Variants in ZAN observed in about 807,000 individuals in gnomAD.
ZAN encodes the protein zonadhesin, also known as zonadhesin (gene/pseudogene).
A neutral mutation model predicts 286.2 loss-of-function variants in ZAN; 260 were observed. The ratio of observed to expected loss-of-function variants is 0.91; its 90% confidence interval spans 0.82 to 1.01. The LOEUF (loss-of-function observed/expected upper bound fraction) is 1.01. Among genes scored for constraint, ZAN ranks in the 50% least tolerant of loss-of-function variants. The pLI is 0.00. For missense variants in ZAN, 3,410 were observed against 3,639.2 expected, an observed-to-expected ratio of 0.94 and a Z score of 1.62; for synonymous variants, 1,368 against 1,417.5, an observed-to-expected ratio of 0.97 and a Z score of 0.79.
intron 44 of ZAN, 90 bp from the exon 45 acceptor site, chr7:100,795,106 C>T (rs1288640175): frequency 2.0e-6 from 3 of 1,470,572 alleles, no homozygotes; most frequent in Non-Finnish European, 2.7e-6. Flanking sequence ...GCTGCTTTCT[C>T]CCCGGGCGTC....
intron 14 of ZAN, among the ~76,000 whole-genome samples, chr7:100,753,827 C>A (rs1251563132): frequency 8.4e-6 from 1 of 118,620 alleles, no homozygotes; most frequent in African/African-American, 3.1e-5. Context: ...AGCAAGACAT[C>A]GTCCTAAAAA....
chr7:100,789,957 T>C (rs1297836528), intron 39 of ZAN, among the ~76,000 whole-genome samples: 2 of 151,006 alleles, frequency 1.3e-5, no homozygotes, highest in Non-Finnish European at 3.0e-5. Flanking sequence ...AAAAAAATTT[T>C]TTTTTTTTAA....
Position 100,790,067 on chromosome 7 carries a change from TG to T in ZAN, c.7357+723del, listed in dbSNP as rs542159846. ...TGAGGCCAGGCATTCGAGACCAGCC[TG>T]GGCAACATAGCAAGATCCCATCTCT... On this transcript the variant is annotated intron_variant, in intron 39 of 47. Transcript: ENST00000613979. Among the ~76,000 whole-genome samples, 20 of 151,936 alleles carry T rather than the reference TG, an allele frequency of 1.3e-4. No homozygotes were observed. The South Asian group carries it at 4.2e-3, about 32-fold the overall frequency.
At chr7:100,772,879 T>G (rs1377315608) in intron 29 of ZAN, among the ~76,000 whole-genome samples, 1 of 149,380 alleles carries the variant, frequency 6.7e-6, no homozygotes, top group Non-Finnish European at 1.5e-5. Flanking sequence ...TGTTTGTTTT[T>G]TTTTTTTTTT....
At chr7:100,772,752 T>A (rs969806578) in intron 29 of ZAN, among the ~76,000 whole-genome samples, 9 of 148,736 alleles carry the variant, frequency 6.1e-5, no homozygotes, top group African/African-American at 2.2e-4. Flanking sequence ...ATCTGGGAGG[T>A]GGAGCTTGCA....
chr7:100,745,005 T>C (rs1808086713), intron 7 of ZAN, among the ~76,000 whole-genome samples: 1 of 151,374 alleles, frequency 6.6e-6, no homozygotes, highest in African/African-American at 2.4e-5. Context: ...TGCCTCAGCC[T>C]CCCGAGTAGC....
intron 7 of ZAN, among the ~76,000 whole-genome samples, chr7:100,739,985 C>T (rs1354861684): frequency 7.1e-6 from 1 of 141,578 alleles, no homozygotes; most frequent in East Asian, 2.0e-4. Context: ...ATAGGCTGGT[C>T]AGAGTAGGTC....
chr7:100,775,292 G>T, intron 31 of ZAN, 36 bp from the exon 32 acceptor site: 2 of 1,603,764 alleles, frequency 1.2e-6, no homozygotes, highest in South Asian at 1.1e-5. Flanking sequence ...CCTGCCAGAG[G>T]AGCGTCATAG....
At chr7:100,795,123 C>T in intron 44 of ZAN, 73 bp from the exon 45 acceptor site, 1 of 1,519,570 alleles carries the variant, frequency 6.6e-7, no homozygotes, top group South Asian at 1.2e-5. Context: ...CGTCCCAGCC[C>T]CCAGCCAGGC....
chr7:100,779,854 T>C, intron 35 of ZAN, 104 bp downstream of exon 35: 3 of 1,224,898 alleles, frequency 2.4e-6, no homozygotes, highest in South Asian at 3.6e-5. Context: ...CCTGACTAAC[T>C]CAGCCCTCAT....
intron 42 of ZAN, 60 bp from the exon 43 acceptor site, chr7:100,793,760 C>T (rs1344069691): frequency 6.6e-7 from 1 of 1,518,918 alleles, no homozygotes. Flanking sequence ...TATCGGGTGA[C>T]CTTGCCCCTG....
intron 7 of ZAN, among the ~76,000 whole-genome samples, chr7:100,741,505 CA>C (rs1382664825): frequency 1.2e-4 from 7 of 59,782 alleles, no homozygotes; most frequent in African/African-American, 1.5e-4. Context: ...GCTGGCCGGG[CA>C]GGGGGGCTGA....
At position 100,763,941 on chromosome 7, in the gene ZAN, G is replaced by A. The variant is rs752315610; in HGVS notation, c.4097+25G>A. On this transcript the variant is annotated intron_variant, in intron 21 of 47. Transcript: ENST00000613979. The surrounding 1 kb of genome is among the most constrained non-coding windows in gnomAD (Gnocchi z 4.6). ...AGTATGAAGGAGGGCAGGCAGGGTC[G>A]CACAGGGGCGATGCTTGGCACCTGG... 7.5e-6 allele frequency: 12 copies of A among 1,606,056 alleles called. No individual in the cohort carries two copies. Among genetic ancestry groups the A allele is most frequent in the East Asian group, 6.7e-5 (3 of 44,502 alleles).
chr7:100,759,956 G>A, intron 18 of ZAN, 111 bp downstream of exon 18: 3 of 1,436,224 alleles, frequency 2.1e-6, no homozygotes, highest in Non-Finnish European at 2.8e-6. Flanking sequence ...ACAGTGACCT[G>A]CAATCCCAGC....
At position 100,765,711 on chromosome 7, in the gene ZAN, C is replaced by T. The variant is rs1378501034; in HGVS notation, c.4470+157C>T. On this transcript the variant is annotated intron_variant, in intron 23 of 47. Transcript: ENST00000613979. ...GTCGCCAGGCTGGAGTGCAGTGGCA[C>T]GATCTCGGCTCACTGCAACTTCCGC... 5.8e-4 allele frequency among the ~76,000 whole-genome samples: 89 copies of T among 152,206 alleles called. 1 individual carries two copies. The highest frequency in any genetic ancestry group is 5.9e-5 in the Non-Finnish European group (4 of 68,034).
Position 100,787,940 on chromosome 7 carries a change from GC to G in ZAN, c.7032del (p.Phe2345SerfsTer9), listed in dbSNP as rs1811672143. The stretch of plus-strand genomic sequence containing the variant: ...GACCCCCGTTACCTCACATTTGACG[GC>G]TTCAGCTACCGCTTGCAAGGCCGCA... ...YGDPRYLTFD[G>X]FSYRLQGRMT... On this transcript the variant is annotated frameshift_variant, in exon 38 of 48. Coordinates refer to ENST00000613979, the MANE Select transcript of ZAN (RefSeq NM_003386.3). LOFTEE classifies it high-confidence loss of function. The G allele has an allele frequency of 2.0e-6, 1 of 500,004 alleles. No homozygotes were observed. Among genetic ancestry groups the G allele is most frequent in the South Asian group, 2.5e-5 (1 of 40,092 alleles). 31.0% of individuals were successfully genotyped at this position (500,004 alleles called of 1,614,324 possible).
At chr7:100,739,163 C>A (rs573220480) in intron 7 of ZAN, among the ~76,000 whole-genome samples, 3 of 135,098 alleles carry the variant, frequency 2.2e-5, no homozygotes, top group Non-Finnish European at 3.3e-5. Context: ...AGGCGTGCAC[C>A]ACCATGCCCG....
intron 7 of ZAN, 77 bp from the exon 8 acceptor site, chr7:100,746,461 C>A: frequency 6.5e-7 from 1 of 1,535,414 alleles, no homozygotes; most frequent in Non-Finnish European, 8.8e-7. Context: ...AAGTCCACAG[C>A]CTCCTCAGGG....
chr7:100,766,492 C>T, intron 23 of ZAN, 33 bp from the exon 24 acceptor site: 1 of 1,531,014 alleles, frequency 6.5e-7, no homozygotes, highest in Non-Finnish European at 8.8e-7. Context: ...CAAAAAAAAA[C>T]ACTTTCTCTT....
Sources: gnomAD v4.1 joint callset for allele counts (sites outside exome capture counted in the v4.1 genomes callset) on GRCh38, gnomAD v4.1.1 for gene constraint, Gnocchi (gnomAD v3.1) non-coding constraint, MANE v1.5 for transcripts, NCBI Gene and HGNC (gene_info 2026-07-23, HGNC 2026-07-21) for gene names.